RRAGD: variants seen among roughly 807,000 people sequenced by gnomAD.
RRAGD encodes Ras related GTP binding D.
RRAGD carries 12 observed loss-of-function variants against 35.5 expected under a neutral mutation model. The ratio of observed to expected loss-of-function variants is 0.34; its 90% CI spans 0.22 to 0.55. RRAGD has a LOEUF of 0.55. RRAGD is among the 20% of genes least tolerant of loss of function. The pLI, the probability that RRAGD is intolerant of heterozygous loss-of-function variation, is 0.91. For synonymous variants in RRAGD, 155 were observed against 178.9 expected (o/e 0.87, Z 1.07); for missense variants, 324 against 490.1 (o/e 0.66, Z 3.20).
chr6:89,378,129 C>T (rs569344392), intron 4 of RRAGD, among the ~76,000 whole-genome samples: 1 of 152,206 alleles, frequency 6.6e-6, no homozygotes, highest in South Asian at 2.1e-4. Flanking sequence ...CCGGGAGAAA[C>T]CTGTCTCTAC....
intron 5 of RRAGD, among the ~76,000 whole-genome samples, chr6:89,375,471 G>A (rs1768919899): frequency 6.6e-6 from 1 of 151,140 alleles, no homozygotes; most frequent in African/African-American, 2.4e-5. Flanking sequence ...GCATATATGT[G>A]CGTGTGCATG....
Position 89,411,729 on chromosome 6 carries a change from A to C in RRAGD, c.148+117T>G. On this transcript the variant is annotated intron_variant, in intron 1 of 6. Transcript: ENST00000369415. This position sits in a 1 kb window ranked among gnomAD's most constrained non-coding sequence, Gnocchi z 5.6. ...CTCCCCACCCCAAACCCTCAACTGG[A>C]CCCGCTCCCCTGGACCCCCTCCAAG... 8.8e-7 allele frequency: 1 copy of C among 1,133,102 alleles called. No homozygotes were observed. The highest frequency in any genetic ancestry group is 1.2e-6 in the Non-Finnish European group (1 of 819,492). 70.2% of individuals were successfully genotyped at this position (1,133,102 alleles called of 1,614,324 possible).
intron 2 of RRAGD, among the ~76,000 whole-genome samples, chr6:89,382,597 C>T (rs919468675): frequency 1.3e-5 from 2 of 151,006 alleles, no homozygotes; most frequent in African/African-American, 2.4e-5. Context: ...AAAATGAGGC[C>T]GGGCGCGGTG....
chr6:89,377,910 A>G, intron 4 of RRAGD, 97 bp from the exon 5 acceptor site: 1 of 895,318 alleles, frequency 1.1e-6, no homozygotes, highest in Admixed American at 3.0e-5. Flanking sequence ...TGTAAAATAC[A>G]AAATGAGCAA....
At chr6:89,389,886 A>G (rs1305029569) in intron 1 of RRAGD, among the ~76,000 whole-genome samples, 1 of 152,234 alleles carries the variant, frequency 6.6e-6, no homozygotes, top group Admixed American at 6.5e-5. Flanking sequence ...AACATCTCAT[A>G]GGGCTGTTAC....
intron 1 of RRAGD, among the ~76,000 whole-genome samples, chr6:89,388,105 A>G (rs148289620): frequency 6.6e-6 from 1 of 152,314 alleles, no homozygotes; most frequent in African/African-American, 2.4e-5. Flanking sequence ...TGGGCCTTGG[A>G]CTAGATGTCG....
chr6:89,387,713 C>G, intron 1 of RRAGD, 123 bp from the exon 2 acceptor site: 6 of 937,792 alleles, frequency 6.4e-6, no homozygotes, highest in Non-Finnish European at 8.1e-6. Flanking sequence ...CCAAAGAGTG[C>G]TAACTACAGT....
intron 1 of RRAGD, among the ~76,000 whole-genome samples, chr6:89,410,283 C>G (rs1445875247): frequency 6.6e-6 from 1 of 151,954 alleles, no homozygotes. Context: ...CACTTTTTTT[C>G]TTTTTTAAAA....
intron 6 of RRAGD, 23 bp from the exon 7 acceptor site, chr6:89,368,230 T>C (rs753351655): frequency 6.2e-7 from 1 of 1,602,860 alleles, no homozygotes; most frequent in South Asian, 1.1e-5. Context: ...ACAAAAATAT[T>C]TATAAATGTC....
At chr6:89,384,453 C>G (rs971776898) in intron 2 of RRAGD, among the ~76,000 whole-genome samples, 1 of 152,196 alleles carries the variant, frequency 6.6e-6, no homozygotes, top group African/African-American at 2.4e-5. Context: ...AAGTGGTCCT[C>G]CAGCCTTGGC....
intron 5 of RRAGD, among the ~76,000 whole-genome samples, chr6:89,374,657 G>A (rs1272731459): frequency 6.6e-6 from 1 of 151,998 alleles, no homozygotes; most frequent in African/African-American, 2.4e-5. Context: ...TTGAACCCGG[G>A]AGGCGGGGGT....
intron 1 of RRAGD, among the ~76,000 whole-genome samples, chr6:89,397,008 T>TG (rs1340711711): frequency 6.6e-6 from 1 of 152,112 alleles, no homozygotes; most frequent in Admixed American, 6.6e-5. Flanking sequence ...CCCGAATTGC[T>TG]GGGATTACAG....
intron 5 of RRAGD, among the ~76,000 whole-genome samples, chr6:89,376,734 A>C (rs1474205178): frequency 6.6e-6 from 1 of 151,162 alleles, no homozygotes; most frequent in East Asian, 2.1e-4. Context: ...GTATGTTAAC[A>C]GATTTTTTTC....
chr6:89,364,739 T>G lies in RRAGD; in HGVS notation c.*3317A>C, dbSNP rs1393041268. 1 of 152,172 alleles carries G rather than the reference T, an allele frequency of 6.6e-6. No homozygotes were observed. Among genetic ancestry groups the G allele is most frequent in the Non-Finnish European group, 1.5e-5 (1 of 68,032 alleles). 9.4% of individuals were successfully genotyped at this position (152,172 alleles called of 1,614,324 possible). On this transcript the variant is annotated 3_prime_UTR_variant, in exon 7 of 7. Coordinates refer to ENST00000369415, the MANE Select transcript of RRAGD (RefSeq NM_021244.5). ...GGATGTAACAGGGCCAATGAAACAG[T>G]GACATACATGTATGGTAAGCAACCT...
intron 1 of RRAGD, among the ~76,000 whole-genome samples, chr6:89,396,683 T>C (rs1235780325): frequency 6.7e-6 from 1 of 149,536 alleles, no homozygotes; most frequent in East Asian, 2.0e-4. Context: ...CCTCCCAAAG[T>C]GCTGGGATTA....
At chr6:89,404,115 G>T (rs1769533687) in intron 1 of RRAGD, among the ~76,000 whole-genome samples, 1 of 152,132 alleles carries the variant, frequency 6.6e-6, no homozygotes, top group African/African-American at 2.4e-5. Flanking sequence ...CTGCCTTTCT[G>T]TAAAATTTTA....
At chr6:89,383,403 A>AG (rs146135636) in intron 2 of RRAGD, among the ~76,000 whole-genome samples, 5,508 of 152,326 alleles carry the variant, frequency 0.036, 345 homozygotes, top group African/African-American at 0.12. Context: ...ACTAAAAAAA[A>AG]GAAAATACTT....
chr6:89,387,542 A>G lies in RRAGD; in HGVS notation c.197T>C (p.Leu66Pro). 1 of 1,614,218 alleles carries G rather than the reference A, an allele frequency of 6.2e-7. No individual in the cohort carries two copies. Among genetic ancestry groups the G allele is most frequent in the Non-Finnish European group, 8.5e-7 (1 of 1,180,038 alleles). The stretch of plus-strand genomic sequence containing the variant: ...GCCGCTTCTCCTCAGGCCCATGAGC[A>G]GGATTCTCGGCTTCACTTCAGTGCT... ...PFSTEVKPRILLMGLRRSGKS... is the reference protein window; with the variant it reads ...PFSTEVKPRIPLMGLRRSGKS... Residue 66 changes from leucine to proline, a missense_variant, in exon 2 of 7, where the codon CTG becomes CCG. Leu to Pro is a moderately conservative substitution (Grantham distance 98). Around this residue, in one of 5 missense-constraint regions of RRAGD, gnomAD observed 7 missense variants for 16.5 expected, o/e 0.42. Transcript: ENST00000369415.
intron 1 of RRAGD, among the ~76,000 whole-genome samples, chr6:89,404,338 G>C (rs1046386320): frequency 1.3e-5 from 2 of 152,194 alleles, no homozygotes; most frequent in Admixed American, 6.5e-5. Flanking sequence ...GAAAGTGACT[G>C]AGCAGAATTT....
Sources: gnomAD v4.1 joint callset for allele counts (sites outside exome capture counted in the v4.1 genomes callset) on GRCh38, gnomAD v4.1.1 for gene constraint, gnomAD v4.1.1 regional missense constraint, Gnocchi (gnomAD v3.1) non-coding constraint, MANE v1.5 for transcripts, NCBI Gene and HGNC (gene_info 2026-07-23, HGNC 2026-07-21) for gene names.